Variants in EXOC6 observed in about 807,000 individuals in gnomAD.
EXOC6 encodes SEC15-like 1.
EXOC6 carries 60 observed loss-of-function variants against 112.5 expected under a neutral mutation model. The ratio of observed to expected loss-of-function variants is 0.53; its 90% confidence interval spans 0.43 to 0.66. The LOEUF (loss-of-function observed/expected upper bound fraction) is 0.66. Ranked by LOEUF, EXOC6 falls within the 30% of genes least tolerant of loss-of-function variation. EXOC6 has a pLI of 0.00. For missense variants in EXOC6, 855 were observed against 957.1 expected (o/e 0.89, Z 1.41); for synonymous variants, 295 against 308.0 (o/e 0.96, Z 0.44).
chr10:93,046,964 A>C (rs866543367), intron 20 of EXOC6, among the ~76,000 whole-genome samples: 1 of 152,264 alleles, frequency 6.6e-6, no homozygotes, highest in South Asian at 2.1e-4. Flanking sequence ...TGAAGGGAGA[A>C]GCCAAAAGGT....
rs11368682 is a variant in EXOC6 at position 93,048,755 on chromosome 10, CA to C, written c.2170-8152del. 7.2e-3 allele frequency among the ~76,000 whole-genome samples: 779 copies of C among 107,774 alleles called. 2 individuals are homozygous for C. The highest frequency in any genetic ancestry group is 0.014 in the Admixed American group (150 of 10,376). 70.7% of individuals were successfully genotyped at this position (107,774 alleles called of 152,430 possible). ...TGGGCAACAGAGTGAGACTCCGTCT[CA>C]AAAAAAAAAAAAAAAAGAATTTATT... On this transcript the variant is annotated intron_variant, in intron 20 of 21. Coordinates refer to ENST00000260762, the MANE Select transcript of EXOC6 (RefSeq NM_019053.6).
chr10:92,882,233 C>CT (rs1046418787), intron 1 of EXOC6, among the ~76,000 whole-genome samples: 1 of 151,916 alleles, frequency 6.6e-6, no homozygotes, highest in Non-Finnish European at 1.5e-5. Flanking sequence ...TTGAGCAAAC[C>CT]TTTTGTGCAT....
At chr10:92,833,145 A>G (rs1259732114), upstream of EXOC6, among the ~76,000 whole-genome samples, 1 of 152,188 alleles carries the variant, frequency 6.6e-6, no homozygotes, top group Non-Finnish European at 1.5e-5. Context: ...TTGGTTTGCC[A>G]TTGCTGTATA....
At chr10:93,025,336 T>C (rs566475946) in intron 20 of EXOC6, among the ~76,000 whole-genome samples, 2 of 152,242 alleles carry the variant, frequency 1.3e-5, no homozygotes, top group South Asian at 2.1e-4. Context: ...CATGATGACA[T>C]AGACACTCAC....
chr10:92,927,072 A>C (rs1440073766), intron 8 of EXOC6, among the ~76,000 whole-genome samples: 1 of 152,202 alleles, frequency 6.6e-6, no homozygotes, highest in African/African-American at 2.4e-5. Flanking sequence ...CTAGGTAAAA[A>C]TATTTTCTGC....
At chr10:93,007,188 T>C (rs959117935) in intron 19 of EXOC6, among the ~76,000 whole-genome samples, 17 of 152,194 alleles carry the variant, frequency 1.1e-4, no homozygotes, top group African/African-American at 4.1e-4. Context: ...AGATAAATAC[T>C]TATGGCCTGA....
At chr10:92,896,588 T>G (rs1388239545) in intron 4 of EXOC6, among the ~76,000 whole-genome samples, 22 of 79,008 alleles carry the variant, frequency 2.8e-4, no homozygotes, top group South Asian at 1.8e-3. Flanking sequence ...AATTGTAGTA[T>G]TATTATTATT....
At chr10:92,899,760 A>G in intron 5 of EXOC6, 116 bp downstream of exon 5, 1 of 692,880 alleles carries the variant, frequency 1.4e-6, no homozygotes, top group Non-Finnish European at 2.4e-6. Flanking sequence ...TCATTACACT[A>G]ACCTTTGTAC....
chr10:92,922,049 GATTCTACT>G (rs1183198509), intron 8 of EXOC6, among the ~76,000 whole-genome samples: 1 of 151,914 alleles, frequency 6.6e-6, no homozygotes, highest in Non-Finnish European at 1.5e-5. Context: ...GGGTTCAAGC[GATTCTACT>G]ACCTTAGCCT....
At chr10:93,023,439 A>G (rs1490703334) in intron 20 of EXOC6, among the ~76,000 whole-genome samples, 2 of 152,244 alleles carry the variant, frequency 1.3e-5, no homozygotes, top group East Asian at 1.9e-4. Context: ...CCAATCACAT[A>G]CTTGCTAATG....
chr10:92,922,454 C>T (rs183316298), intron 8 of EXOC6, among the ~76,000 whole-genome samples: 68 of 152,208 alleles, frequency 4.5e-4, no homozygotes, highest in Admixed American at 1.9e-3. Context: ...TATAAAATAT[C>T]AGGCAGTAAA....
intron 6 of EXOC6, among the ~76,000 whole-genome samples, chr10:92,912,885 C>G (rs572678880): frequency 6.6e-6 from 1 of 152,292 alleles, no homozygotes; most frequent in South Asian, 2.1e-4. Context: ...CTCATGCATC[C>G]ATTTATAGGC....
In EXOC6 at chr10:92,945,243, G is replaced by A. The variant is rs904576986; in HGVS notation, c.1311-3031G>A. On this transcript the variant is annotated intron_variant, in intron 13 of 21. Transcript: ENST00000260762. ...TATTTGTTTTCTTCTATTGAGTTGA[G>A]TTCCTTATGTATTTTGGATACTAAC... 3.3e-5 allele frequency among the ~76,000 whole-genome samples: 5 copies of A among 152,010 alleles called. No homozygotes were observed. The East Asian group carries it at 9.6e-4, about 29-fold the overall frequency.
chr10:93,011,432 AT>A lies in EXOC6; in HGVS notation c.2096-2753del, dbSNP rs891490422. Among the ~76,000 whole-genome samples, 21 of 150,618 alleles carry A rather than the reference AT, an allele frequency of 1.4e-4. 1 individual carries two copies. The highest frequency in any genetic ancestry group is 5.1e-4 in the African/African-American group (21 of 40,996). On this transcript the variant is annotated intron_variant, in intron 19 of 21. Coordinates refer to ENST00000260762, the MANE Select transcript of EXOC6 (RefSeq NM_019053.6). ...ATGCCACCATGCCTGGCTAATTTTA[AT>A]TTTTTTTTGTAGAGATGGGGCCTTG...
intron 13 of EXOC6, among the ~76,000 whole-genome samples, chr10:92,942,168 A>G (rs1295584214): frequency 6.6e-6 from 1 of 152,146 alleles, no homozygotes; most frequent in Non-Finnish European, 1.5e-5. Flanking sequence ...AGATGGGAGG[A>G]TCTCTTGAGG....
intron 18 of EXOC6, among the ~76,000 whole-genome samples, chr10:92,980,212 C>T (rs770284112): frequency 6.6e-6 from 1 of 152,120 alleles, no homozygotes; most frequent in Non-Finnish European, 1.5e-5. Flanking sequence ...GTTAGAAATA[C>T]TTATATTTGA....
At chr10:92,996,736 G>T (rs144125109) in intron 18 of EXOC6, among the ~76,000 whole-genome samples, 1 of 152,286 alleles carries the variant, frequency 6.6e-6, no homozygotes, top group East Asian at 1.9e-4. Flanking sequence ...AGTTCATGTA[G>T]AGTTTTAGGA....
chr10:92,982,963 A>T (rs895028919), intron 18 of EXOC6, among the ~76,000 whole-genome samples: 1 of 152,248 alleles, frequency 6.6e-6, no homozygotes, highest in African/African-American at 2.4e-5. Context: ...AAACAAATAT[A>T]TGCTCAAGAA....
At chr10:92,943,855 G>C (rs567045256) in intron 13 of EXOC6, among the ~76,000 whole-genome samples, 9 of 152,166 alleles carry the variant, frequency 5.9e-5, no homozygotes, top group Middle Eastern at 3.4e-3. Flanking sequence ...TGTACTCTTT[G>C]ACAAACATCT....
Sources: gnomAD v4.1 joint callset for allele counts (sites outside exome capture counted in the v4.1 genomes callset) on GRCh38, gnomAD v4.1.1 for gene constraint, MANE v1.5 for transcripts, NCBI Gene and HGNC (gene_info 2026-07-23, HGNC 2026-07-21) for gene names.